Variants in GRID2 observed in about 807,000 individuals in gnomAD.
GRID2 encodes the protein glutamate ionotropic receptor delta type subunit 2.
A neutral mutation model predicts 114.8 loss-of-function variants in GRID2; 33 were observed. The ratio of observed to expected loss-of-function variants is 0.29; its 90% CI spans 0.22 to 0.38. The LOEUF is 0.38. Ranked by LOEUF, GRID2 falls within the 10% of genes least tolerant of loss-of-function variation. The probability of loss-of-function intolerance (pLI) is 1.00; values close to 1 mark genes in which losing one functional copy is unlikely to be tolerated. For synonymous variants in GRID2, 505 were observed against 449.9 expected (o/e 1.12, Z -1.55); for missense variants, 1,184 against 1,257.7 (o/e 0.94, Z 0.89).
At position 93,671,919 on chromosome 4, in the gene GRID2, G is replaced by A. The variant is rs139399316; in HGVS notation, c.2360+45484G>A. Among the ~76,000 whole-genome samples the A allele has an allele frequency of 7.6e-3, 1,163 of 152,122 alleles. 17 individuals are homozygous for A. The highest frequency in any genetic ancestry group is 0.026 in the African/African-American group (1,084 of 41,486). Reference sequence around the variant, plus strand: ...GAACCCAGGAGGCAGAGGTTGCAGTGAGCCAACATCCCGCCACTGCACTCC... The same window carrying A: ...GAACCCAGGAGGCAGAGGTTGCAGTAAGCCAACATCCCGCCACTGCACTCC... On this transcript the variant is annotated intron_variant, in intron 14 of 15. Coordinates refer to ENST00000282020, the MANE Select transcript of GRID2 (RefSeq NM_001510.4).
intron 8 of GRID2, among the ~76,000 whole-genome samples, chr4:93,259,924 A>C (rs1439893974): frequency 2.0e-5 from 3 of 151,818 alleles, no homozygotes; most frequent in Admixed American, 6.6e-5. Flanking sequence ...TTAAATGAGT[A>C]AGAAGAGAGA....
At chr4:93,113,680 A>G (rs1254751833) in intron 4 of GRID2, among the ~76,000 whole-genome samples, 1 of 152,220 alleles carries the variant, frequency 6.6e-6, no homozygotes, top group Non-Finnish European at 1.5e-5. Context: ...TAATGGCAGA[A>G]CACATACATC....
intron 1 of GRID2, among the ~76,000 whole-genome samples, chr4:92,352,685 G>A (rs1275178197): frequency 5.9e-5 from 9 of 152,084 alleles, no homozygotes; most frequent in Admixed American, 5.2e-4. Flanking sequence ...ATCCATTCAT[G>A]TGCTTATTGG....
At chr4:92,411,655 GTATA>G (rs70940887) in intron 1 of GRID2, among the ~76,000 whole-genome samples, 1 of 84,724 alleles carries the variant, frequency 1.2e-5, no homozygotes, top group African/African-American at 5.9e-5. Context: ...GTGTGTGTGT[GTATA>G]TATATATATA....
Position 93,774,103 on chromosome 4 carries a change from AG to A in GRID2, c.*1607del, listed in dbSNP as rs1030028755. On this transcript the variant is annotated 3_prime_UTR_variant, in exon 16 of 16. Coordinates refer to ENST00000282020, the MANE Select transcript of GRID2 (RefSeq NM_001510.4). ...GTGATTTGCTTTAGGAGAAATTAAAAGGTATATTCTTAAGATATATTATATT... is the reference window on the plus strand; with the variant it reads ...GTGATTTGCTTTAGGAGAAATTAAAAGTATATTCTTAAGATATATTATATT... 2.7e-4 allele frequency: 41 copies of A among 152,252 alleles called. No homozygotes were observed. The highest frequency in any genetic ancestry group is 2.0e-3 in the Admixed American group (30 of 15,280). The allele number at this position is 152,252 out of a possible 1,614,324, so 9.4% of individuals were successfully genotyped here.
At chr4:92,997,393 C>T (rs1318918750) in intron 2 of GRID2, among the ~76,000 whole-genome samples, 1 of 152,072 alleles carries the variant, frequency 6.6e-6, no homozygotes, top group East Asian at 1.9e-4. Flanking sequence ...GATAAAATAA[C>T]TTGGAGTGGG....
intron 2 of GRID2, among the ~76,000 whole-genome samples, chr4:92,827,719 A>C (rs943167249): frequency 1.3e-5 from 2 of 152,186 alleles, no homozygotes; most frequent in East Asian, 1.9e-4. Flanking sequence ...TCAACGAATA[A>C]AAAAATGAAT....
chr4:93,768,665 T>C (rs1733869937), intron 14 of GRID2, among the ~76,000 whole-genome samples: 1 of 152,192 alleles, frequency 6.6e-6, no homozygotes, highest in Non-Finnish European at 1.5e-5. Flanking sequence ...ATCCCAAGGC[T>C]TCCTCTCACA....
At chr4:92,992,552 T>G (rs1399744646) in intron 2 of GRID2, among the ~76,000 whole-genome samples, 3 of 152,198 alleles carry the variant, frequency 2.0e-5, no homozygotes, top group Non-Finnish European at 4.4e-5. Context: ...AGTATTATAT[T>G]TTGCAATTTC....
intron 1 of GRID2, among the ~76,000 whole-genome samples, chr4:92,497,389 A>G (rs1484958396): frequency 6.6e-6 from 1 of 151,898 alleles, no homozygotes; most frequent in African/African-American, 2.4e-5. Context: ...GAAATCTGAA[A>G]GAAGGTCTGT....
chr4:93,341,403 C>A (rs546110865), intron 8 of GRID2, among the ~76,000 whole-genome samples: 1 of 152,056 alleles, frequency 6.6e-6, no homozygotes, highest in Non-Finnish European at 1.5e-5. Flanking sequence ...TGGCTCCCTG[C>A]AACCTCCACC....
chr4:93,367,540 G>A (rs962687830), intron 8 of GRID2, among the ~76,000 whole-genome samples: 2 of 152,170 alleles, frequency 1.3e-5, no homozygotes, highest in Non-Finnish European at 2.9e-5. Context: ...GGAAAGCACA[G>A]CCATAAGAAA....
In GRID2 at chr4:93,161,242, G is replaced by A. The variant is rs1022105882; in HGVS notation, c.736-46162G>A. Reference sequence around the variant, plus strand: ...GAGATTCTGAGAAACTTTTATTTAAGCCCTAGCAGAATTTTGACCTCTTAG... The same window carrying A: ...GAGATTCTGAGAAACTTTTATTTAAACCCTAGCAGAATTTTGACCTCTTAG... On this transcript the variant is annotated intron_variant, in intron 4 of 15. Transcript: ENST00000282020. 3.3e-5 allele frequency among the ~76,000 whole-genome samples: 5 copies of A among 151,924 alleles called. No individual in the cohort carries two copies. In the South Asian group the frequency reaches 6.2e-4, roughly 19 times the overall value.
At chr4:93,476,628 C>T (rs562141694) in intron 11 of GRID2, among the ~76,000 whole-genome samples, 61 of 152,072 alleles carry the variant, frequency 4.0e-4, no homozygotes, top group African/African-American at 1.5e-3. Flanking sequence ...AACAAAACTT[C>T]TAAAATATCA....
intron 11 of GRID2, among the ~76,000 whole-genome samples, chr4:93,474,849 T>G (rs569013285): frequency 1.5e-3 from 230 of 152,252 alleles, no homozygotes; most frequent in African/African-American, 5.2e-3. Flanking sequence ...GTTGTGAAGA[T>G]TAAATAAGAA....
chr4:92,627,707 T>A (rs937130389), intron 2 of GRID2, among the ~76,000 whole-genome samples: 3 of 152,210 alleles, frequency 2.0e-5, no homozygotes, highest in Admixed American at 6.5e-5. Context: ...CTATTTCTCA[T>A]TCTTCTAAAA....
At chr4:92,959,033 T>C (rs1291514034) in intron 2 of GRID2, among the ~76,000 whole-genome samples, 2 of 151,466 alleles carry the variant, frequency 1.3e-5, no homozygotes, top group African/African-American at 4.8e-5. Flanking sequence ...TCATTTCTGA[T>C]GTTAGTAATT....
intron 2 of GRID2, among the ~76,000 whole-genome samples, chr4:92,988,272 A>G (rs1754633191): frequency 1.3e-5 from 2 of 152,124 alleles, no homozygotes; most frequent in African/African-American, 2.4e-5. Context: ...AAGCTCAAAC[A>G]GGTGGTAGGC....
At chr4:92,668,173 A>G (rs910382645) in intron 2 of GRID2, among the ~76,000 whole-genome samples, 2 of 151,816 alleles carry the variant, frequency 1.3e-5, no homozygotes, top group Non-Finnish European at 2.9e-5. Flanking sequence ...TAATGGAGCA[A>G]TTTAATTAAA....
Sources: allele counts gnomAD v4.1 joint callset (sites outside exome capture counted in the v4.1 genomes callset), GRCh38; gene constraint gnomAD v4.1.1; transcripts MANE v1.5; gene names NCBI Gene and HGNC (gene_info 2026-07-23, HGNC 2026-07-21).